Variants in HES2 observed in about 807,000 individuals in gnomAD.
The protein encoded by HES2 is transcription factor HES-2.
Under a neutral mutation model 11.9 loss-of-function variants are expected in HES2, and 11 were observed. That is an observed-to-expected ratio of 0.92 (90% confidence interval 0.58 to 1.53). HES2 has a LOEUF of 1.53. HES2 is among the 40% of genes most tolerant of loss of function. The pLI, the probability that HES2 is intolerant of heterozygous loss-of-function variation, is 0.00. For missense variants in HES2, 260 were observed against 253.8 expected, an observed-to-expected ratio of 1.02 and a Z score of -0.16; for synonymous variants, 125 against 122.8, an observed-to-expected ratio of 1.02 and a Z score of -0.12.
chr1:6,418,602 G>A lies in HES2; in HGVS notation c.*271C>T. On this transcript the variant is annotated 3_prime_UTR_variant, in exon 4 of 4. Transcript: ENST00000377834. ...AGAACTATCTCCACCAGCTGGGATG[G>A]GGGGCTTCTTCTTCACCCTGCTGCC... 1 of 375,154 alleles carries A rather than the reference G, an allele frequency of 2.7e-6. No individual in the cohort carries two copies. The highest frequency in any genetic ancestry group is 4.6e-5 in the Admixed American group (1 of 21,808). 23.2% of individuals were successfully genotyped at this position (375,154 alleles called of 1,614,324 possible).
At position 6,417,019 on chromosome 1, in the gene HES2, G is replaced by A. The variant is rs1262039603; in HGVS notation, c.*1854C>T. ...ACTGTCCAAGGCTCATTACAGGGTA[G>A]TCCTCTCATCCTCTGCTCACTAGTC... On this transcript the variant is annotated 3_prime_UTR_variant, in exon 4 of 4. Transcript: ENST00000377834. The A allele has an allele frequency of 6.6e-6, 1 of 152,312 alleles. No homozygotes were observed. The highest frequency in any genetic ancestry group is 2.4e-5 in the African/African-American group (1 of 41,466). The allele number at this position is 152,312 out of a possible 1,614,324, so 9.4% of individuals were successfully genotyped here.
rs1165194310 is a variant in HES2, at chr1:6,419,734, T to A, written c.46-32A>T. ...ACGGGCGGCGCGGTGGTTAGACGGG[T>A]CCCCGGAGTCCCCAGCCCCGCCCCC... On this transcript the variant is annotated intron_variant, in intron 1 of 3. Transcript: ENST00000377834. This position sits in a 1 kb window ranked among gnomAD's most constrained non-coding sequence, Gnocchi z 8.1. 2.6e-6 allele frequency: 4 copies of A among 1,549,960 alleles called. No homozygotes were observed. In the South Asian group the frequency reaches 3.6e-5, roughly 14 times the overall value.
In HES2 at chr1:6,419,731, G is replaced by T. The variant is rs576816803; in HGVS notation, c.46-29C>A. 5.2e-6 allele frequency: 8 copies of T among 1,551,090 alleles called. No homozygotes were observed. In the South Asian group the frequency reaches 9.5e-5, roughly 18 times the overall value. Reference sequence around the variant, plus strand: ...CGGACGGGCGGCGCGGTGGTTAGACGGGTCCCCGGAGTCCCCAGCCCCGCC... The same window carrying T: ...CGGACGGGCGGCGCGGTGGTTAGACTGGTCCCCGGAGTCCCCAGCCCCGCC... On this transcript the variant is annotated intron_variant, in intron 1 of 3. Transcript: ENST00000377834. The surrounding 1 kb of genome is among the most constrained non-coding windows in gnomAD (Gnocchi z 8.1).
chr1:6,419,908 T>C lies in HES2; in HGVS notation c.-88A>G. 7.2e-7 allele frequency: 1 copy of C among 1,393,464 alleles called. No individual in the cohort carries two copies. Among genetic ancestry groups the C allele is most frequent in the South Asian group, 1.6e-5 (1 of 61,026 alleles). The allele number at this position is 1,393,464 out of a possible 1,614,324, so 86.3% of individuals were successfully genotyped here. A position where few individuals can be genotyped will look rare whatever the true frequency, so the allele number is the denominator to read the frequency against. ...AGGTCCCGGGCGCGGCCCGGGCTGG[T>C]GCCAGACGAGTGCGCGCCCCGCCCG... On this transcript the variant is annotated 5_prime_UTR_variant, in exon 1 of 4. Transcript: ENST00000377834. This position sits in a 1 kb window ranked among gnomAD's most constrained non-coding sequence, Gnocchi z 8.1.
Position 6,417,397 on chromosome 1 carries a change from T to A in HES2, c.*1476A>T, listed in dbSNP as rs1642863551. 1 of 152,108 alleles carries A rather than the reference T, an allele frequency of 6.6e-6. No homozygotes were observed. The highest frequency in any genetic ancestry group is 1.5e-5 in the Non-Finnish European group (1 of 68,052). The allele number at this position is 152,108 out of a possible 1,614,324, so 9.4% of individuals were successfully genotyped here. On this transcript the variant is annotated 3_prime_UTR_variant, in exon 4 of 4. Transcript: ENST00000377834. ...GCTGATTTGGGGACTCGGGGGAGAATCCTCCACCTTCTGCAAATGCTTAGC... is the reference window on the plus strand; with the variant it reads ...GCTGATTTGGGGACTCGGGGGAGAAACCTCCACCTTCTGCAAATGCTTAGC...
In HES2 at chr1:6,416,949, A is replaced by T. The variant is rs1325135498; in HGVS notation, c.*1924T>A. The T allele has an allele frequency of 6.6e-6, 1 of 152,356 alleles. No homozygotes were observed. The highest frequency in any genetic ancestry group is 1.5e-5 in the Non-Finnish European group (1 of 68,136). The allele number at this position is 152,356 out of a possible 1,614,324, so 9.4% of individuals were successfully genotyped here. A position where few individuals can be genotyped will look rare whatever the true frequency, so the allele number is the denominator to read the frequency against. The stretch of plus-strand genomic sequence containing the variant: ...TTTGTCCTCATGGAGTAAATATCCA[A>T]CAGTGATCCCAGGGCATGGGAGTGG... On this transcript the variant is annotated 3_prime_UTR_variant, in exon 4 of 4. Coordinates refer to ENST00000377834, the MANE Select transcript of HES2 (RefSeq NM_019089.5).
At position 6,419,820 on chromosome 1, in the gene HES2, TGC is replaced by T. The variant is rs1415756663; in HGVS notation, c.-2_-1del. 6.4e-7 allele frequency: 1 copy of T among 1,553,778 alleles called. No individual in the cohort carries two copies. Among genetic ancestry groups the T allele is most frequent in the South Asian group, 1.2e-5 (1 of 83,978 alleles). ...TCCCCTGCCCGGCGAGGCAGCCCCATGCTCCGCGGGGAAGCGGTGGCAGCTGC... is the reference window on the plus strand; with the variant it reads ...TCCCCTGCCCGGCGAGGCAGCCCCATTCCGCGGGGAAGCGGTGGCAGCTGC... On this transcript the variant is annotated 5_prime_UTR_variant, in exon 1 of 4. Coordinates refer to ENST00000377834, the MANE Select transcript of HES2 (RefSeq NM_019089.5). The surrounding 1 kb of genome is among the most constrained non-coding windows in gnomAD (Gnocchi z 8.1).
rs968915576 is a variant in HES2 at position 6,416,794 on chromosome 1, C to G, written c.*2079G>C. 2.0e-5 allele frequency: 3 copies of G among 152,250 alleles called. No homozygotes were observed. Among genetic ancestry groups the G allele is most frequent in the African/African-American group, 7.2e-5 (3 of 41,452 alleles). 9.4% of individuals were successfully genotyped at this position (152,250 alleles called of 1,614,324 possible). A position where few individuals can be genotyped will look rare whatever the true frequency, so the allele number is the denominator to read the frequency against. On this transcript the variant is annotated 3_prime_UTR_variant, in exon 4 of 4. Transcript: ENST00000377834. ...TCCTGTGCCTGCCTGATGTGGAGTC[C>G]TAGGCGGGCTTGGGCCGCAGGTTAC...
Position 6,416,432 on chromosome 1 carries a change from C to G in HES2, c.*2441G>C, listed in dbSNP as rs78326109. On this transcript the variant is annotated 3_prime_UTR_variant, in exon 4 of 4. Coordinates refer to ENST00000377834, the MANE Select transcript of HES2 (RefSeq NM_019089.5). ...TGCGCAGCTAGCTCTTGCACACACC[C>G]CTGCGGAGAAACTCTGCCTTCTTGC... 0.073 allele frequency: 11,177 copies of G among 152,334 alleles called. 498 individuals are homozygous for G. Among genetic ancestry groups the G allele is most frequent in the African/African-American group, 0.12 (4,843 of 41,542 alleles). The allele number at this position is 152,334 out of a possible 1,614,324, so 9.4% of individuals were successfully genotyped here.
rs1381439582 is a variant in HES2, at chr1:6,419,513, AACCCCCTGGTGGGTTCCTCCCGCAGGAGC to A, written c.141+65_141+93del. The stretch of plus-strand genomic sequence containing the variant: ...AGGCTCCGCCTCGGGCGCCGCGCGG[AACCCCCTGGTGGGTTCCTCCCGCAGGAGC>A]ACCCCGTCCCCCTGCCCCCGCTCCG... On this transcript the variant is annotated intron_variant, in intron 2 of 3. Coordinates refer to ENST00000377834, the MANE Select transcript of HES2 (RefSeq NM_019089.5). This position sits in a 1 kb window ranked among gnomAD's most constrained non-coding sequence, Gnocchi z 8.1. The A allele has an allele frequency of 2.4e-6, 3 of 1,263,400 alleles. No individual in the cohort carries two copies. The highest frequency in any genetic ancestry group is 3.2e-6 in the Non-Finnish European group (3 of 939,120). The allele number at this position is 1,263,400 out of a possible 1,614,324, so 78.3% of individuals were successfully genotyped here. A position where few individuals can be genotyped will look rare whatever the true frequency, so the allele number is the denominator to read the frequency against.
rs1642848505 is a variant in HES2, at chr1:6,416,213, T to C, written c.*2660A>G. On this transcript the variant is annotated 3_prime_UTR_variant, in exon 4 of 4. Coordinates refer to ENST00000377834, the MANE Select transcript of HES2 (RefSeq NM_019089.5). ...CTGGCCATTGGGCAGGATGTGGGAC[T>C]TGTGAAAGGTCATAAATGACCCTTT... 1 of 152,282 alleles carries C rather than the reference T, an allele frequency of 6.6e-6. No individual in the cohort carries two copies. Among genetic ancestry groups the C allele is most frequent in the African/African-American group, 2.4e-5 (1 of 41,462 alleles). The allele number at this position is 152,282 out of a possible 1,614,324, so 9.4% of individuals were successfully genotyped here.
At position 6,419,198 on chromosome 1, in the gene HES2, G is replaced by A; in HGVS notation, c.241+43C>T. ...TGAGGCGCGGGGTAGGGTGCCGGGT[G>A]CGGGGTGCAGAGCGCGCGGCAGGGC... is the stretch of plus-strand genomic sequence containing the variant. On this transcript the variant is annotated intron_variant, in intron 3 of 3. Transcript: ENST00000377834. This position sits in a 1 kb window ranked among gnomAD's most constrained non-coding sequence, Gnocchi z 8.1. The A allele has an allele frequency of 6.3e-7, 1 of 1,589,894 alleles. No homozygotes were observed. Among genetic ancestry groups the A allele is most frequent in the Non-Finnish European group, 8.5e-7 (1 of 1,173,120 alleles).
Position 6,417,143 on chromosome 1 carries a change from C to G in HES2, c.*1730G>C. On this transcript the variant is annotated 3_prime_UTR_variant, in exon 4 of 4. Transcript: ENST00000377834. Reference sequence around the variant, plus strand: ...CCCTCCGGGAGCTTACAGTCTAACCCTCTGGGCACAGGGAGGTGGGAAGAT... The same window carrying G: ...CCCTCCGGGAGCTTACAGTCTAACCGTCTGGGCACAGGGAGGTGGGAAGAT... The G allele has an allele frequency of 6.6e-6, 1 of 152,298 alleles. No homozygotes were observed. Among genetic ancestry groups the G allele is most frequent in the East Asian group, 1.9e-4 (1 of 5,204 alleles). 9.4% of individuals were successfully genotyped at this position (152,298 alleles called of 1,614,324 possible).
Position 6,416,585 on chromosome 1 carries a change from T to C in HES2, c.*2288A>G, listed in dbSNP as rs1346965633. On this transcript the variant is annotated 3_prime_UTR_variant, in exon 4 of 4. Coordinates refer to ENST00000377834, the MANE Select transcript of HES2 (RefSeq NM_019089.5). ...GGCCCATCTACAATCCTTCTCCCCG[T>C]GACTGCTTGAGTTGTAGCTTGATTG... 6.6e-6 allele frequency: 1 copy of C among 152,152 alleles called. No individual in the cohort carries two copies. Among genetic ancestry groups the C allele is most frequent in the African/African-American group, 2.4e-5 (1 of 41,410 alleles). The allele number at this position is 152,152 out of a possible 1,614,324, so 9.4% of individuals were successfully genotyped here. A position where few individuals can be genotyped will look rare whatever the true frequency, so the allele number is the denominator to read the frequency against.
rs1436429015 is a variant in HES2, at chr1:6,416,641, G to A, written c.*2232C>T. 2.0e-5 allele frequency: 3 copies of A among 152,238 alleles called. No homozygotes were observed. Among genetic ancestry groups the A allele is most frequent in the Admixed American group, 6.6e-5 (1 of 15,266 alleles). 9.4% of individuals were successfully genotyped at this position (152,238 alleles called of 1,614,324 possible). A position where few individuals can be genotyped will look rare whatever the true frequency, so the allele number is the denominator to read the frequency against. On this transcript the variant is annotated 3_prime_UTR_variant, in exon 4 of 4. Coordinates refer to ENST00000377834, the MANE Select transcript of HES2 (RefSeq NM_019089.5). ...AGGTCAATGCAAGTCACAGAACTGC[G>A]AACTGAGATGGACTCTCAGAAGCAA...
In HES2 at chr1:6,419,645, G is replaced by A. The variant is rs747349076; in HGVS notation, c.103C>T (p.Gln35Ter). The A allele has an allele frequency of 1.9e-6, 3 of 1,552,416 alleles. No individual in the cohort carries two copies. The South Asian group carries it at 3.6e-5, about 18-fold the overall frequency. The stretch of plus-strand genomic sequence containing the variant: ...AGCGGCAGGATGAGCCCCTTAAGCT[G>A]GCTCAGGCTCTGGTTGATGCGCGCG... ...RRARINQSLS[Q>*]LKGLILPLLG... Residue 35 changes from glutamine to a stop codon, truncating the protein, a stop_gained, in exon 2 of 4, where the codon CAG (glutamine) becomes TAG (stop). Transcript: ENST00000377834. LOFTEE classifies it high-confidence loss of function. This position sits in a 1 kb window ranked among gnomAD's most constrained non-coding sequence, Gnocchi z 8.1.
chr1:6,418,724 C>G lies in HES2; in HGVS notation c.*149G>C. The stretch of plus-strand genomic sequence containing the variant: ...CAGCCCCAGGGCTTTCAGTCTGCCA[C>G]GCCAGTCACAAACAGCCGGCTTCCG... On this transcript the variant is annotated 3_prime_UTR_variant, in exon 4 of 4. Transcript: ENST00000377834. The G allele has an allele frequency of 1.3e-6, 1 of 751,600 alleles. No homozygotes were observed. The highest frequency in any genetic ancestry group is 1.8e-6 in the Non-Finnish European group (1 of 548,998). 46.6% of individuals were successfully genotyped at this position (751,600 alleles called of 1,614,324 possible).
Position 6,418,800 on chromosome 1 carries a change from CACCAAGAGCTTCA to C in HES2, c.*60_*72del. 1 of 1,260,354 alleles carries C rather than the reference CACCAAGAGCTTCA, an allele frequency of 7.9e-7. No homozygotes were observed. Among genetic ancestry groups the C allele is most frequent in the Non-Finnish European group, 9.9e-7 (1 of 1,005,134 alleles). The allele number at this position is 1,260,354 out of a possible 1,614,324, so 78.1% of individuals were successfully genotyped here. On this transcript the variant is annotated 3_prime_UTR_variant, in exon 4 of 4. Transcript: ENST00000377834. ...CCCTAATGATGGGAACAGCAGCCGC[CACCAAGAGCTTCA>C]ACCTGTCCAGTGCCCCAAGGTCCCA...
In HES2 at chr1:6,419,831, G is replaced by T. The variant is rs773915521; in HGVS notation, c.-11C>A. 8 of 1,548,766 alleles carry T rather than the reference G, an allele frequency of 5.2e-6. No homozygotes were observed. The highest frequency in any genetic ancestry group is 6.9e-6 in the Non-Finnish European group (8 of 1,152,666). On this transcript the variant is annotated 5_prime_UTR_variant, in exon 1 of 4. Coordinates refer to ENST00000377834, the MANE Select transcript of HES2 (RefSeq NM_019089.5). This position sits in a 1 kb window ranked among gnomAD's most constrained non-coding sequence, Gnocchi z 8.1. ...GCGAGGCAGCCCCATGCTCCGCGGG[G>T]AAGCGGTGGCAGCTGCGAGCCCCAC...
Sources: gnomAD v4.1 joint callset for allele counts on GRCh38, gnomAD v4.1.1 for gene constraint, Gnocchi (gnomAD v3.1) non-coding constraint, MANE v1.5 for transcripts, NCBI Gene and HGNC (gene_info 2026-07-23, HGNC 2026-07-21) for gene names.